The following LRRC3B variants were observed in gnomAD, a reference collection of about 807,000 sequenced individuals.
LRRC3B encodes leucine rich repeat containing 3B.
Under a neutral mutation model 12.8 loss-of-function variants are expected in LRRC3B, and 2 were observed. The observed-to-expected ratio is 0.16, with a 90% CI of 0.06 to 0.49. LRRC3B has a LOEUF of 0.49. Among genes scored for constraint, LRRC3B ranks in the 20% least tolerant of loss-of-function variants. The pLI is 0.96. For missense variants in LRRC3B, 189 were observed against 319.4 expected (o/e 0.59, Z 3.11); for synonymous variants, 132 against 122.0 (o/e 1.08, Z -0.54).
chr3:26,637,605 G>A (rs745727591), intron 1 of LRRC3B, among the ~76,000 whole-genome samples: 3 of 152,180 alleles, frequency 2.0e-5, no homozygotes, highest in East Asian at 1.9e-4. Flanking sequence ...CTAGTAATAC[G>A]TGGATATTCA....
At chr3:26,638,541 T>C (rs1484980846) in intron 1 of LRRC3B, among the ~76,000 whole-genome samples, 1 of 152,172 alleles carries the variant, frequency 6.6e-6, no homozygotes, top group East Asian at 1.9e-4. Flanking sequence ...CCTGATGATG[T>C]GGAAAATAAC....
intron 1 of LRRC3B, among the ~76,000 whole-genome samples, chr3:26,685,515 CTCTCTCTCTA>C (rs1160898960): frequency 8.2e-4 from 44 of 53,768 alleles, no homozygotes; most frequent in African/African-American, 2.5e-3. Context: ...CTCTCTCTCT[CTCTCTCTCTA>C]TATATATATA....
chr3:26,631,562 T>TA (rs1223518324), intron 1 of LRRC3B, among the ~76,000 whole-genome samples: 1 of 152,188 alleles, frequency 6.6e-6, no homozygotes. Flanking sequence ...TGGCTCATGT[T>TA]ATCCAGTGTT....
chr3:26,632,544 A>G (rs1226970512), intron 1 of LRRC3B, among the ~76,000 whole-genome samples: 1 of 152,060 alleles, frequency 6.6e-6, no homozygotes, highest in Non-Finnish European at 1.5e-5. Flanking sequence ...TGGATCCCCG[A>G]GCCGTTACCC....
chr3:26,687,441 G>A (rs1700110692), intron 1 of LRRC3B, among the ~76,000 whole-genome samples: 1 of 152,182 alleles, frequency 6.6e-6, no homozygotes, highest in Non-Finnish European at 1.5e-5. Context: ...GGGATAATAT[G>A]CTTCCAAATA....
intron 1 of LRRC3B, among the ~76,000 whole-genome samples, chr3:26,689,840 G>A (rs977156134): frequency 5.3e-5 from 8 of 152,192 alleles, no homozygotes; most frequent in African/African-American, 9.7e-5. Flanking sequence ...CAGATGGTCC[G>A]CAGGCCCCCC....
At chr3:26,709,630 G>A in exon 2 of LRRC3B, 7 of 1,587,688 alleles carry the variant, frequency 4.4e-6, no homozygotes, top group Non-Finnish European at 5.2e-6. Context: ...ACGCTTGTTG[G>A]AGTAGATGAG....
intron 1 of LRRC3B, among the ~76,000 whole-genome samples, chr3:26,697,918 A>G (rs559668149): frequency 2.6e-5 from 4 of 152,234 alleles, no homozygotes; most frequent in South Asian, 4.1e-4. Context: ...CCCTCATTAT[A>G]TGGTTCATTT....
chr3:26,710,617 A>C, exon 2 of LRRC3B: 1 of 682,088 alleles, frequency 1.5e-6, no homozygotes, highest in Non-Finnish European at 2.3e-6. Context: ...AACATAAATA[A>C]TTTGAGTTTA....
At chr3:26,637,938 C>G (rs1698938356) in intron 1 of LRRC3B, among the ~76,000 whole-genome samples, 1 of 152,112 alleles carries the variant, frequency 6.6e-6, no homozygotes, top group Admixed American at 6.5e-5. Flanking sequence ...AGACTTGTAG[C>G]CTACATGTAT....
rs545477316 is a variant in LRRC3B at position 26,704,531 on chromosome 3, T to C, written c.-160-4982T>C. On this transcript the variant is annotated intron_variant, in intron 1 of 1. Coordinates refer to ENST00000396641, the Ensembl canonical transcript of LRRC3B. ...ACATTGCTATTTATGTATATTATTTTCCCATCCATTTTTCTTTTCTGCTTT... is the reference window on the plus strand; with the variant it reads ...ACATTGCTATTTATGTATATTATTTCCCCATCCATTTTTCTTTTCTGCTTT... Among the ~76,000 whole-genome samples, 37 of 152,254 alleles carry C rather than the reference T, an allele frequency of 2.4e-4. 1 individual carries two copies. The highest frequency in any genetic ancestry group is 6.8e-3 in the Middle Eastern group (2 of 294).
rs1305256388 is a variant in LRRC3B at position 26,638,861 on chromosome 3, G to A, written c.-161+15624G>A. ...GAAGTAAGGCTGCTGAATGAAGAAG[G>A]TAATCAAGGTGTGTGAACACCAGAT... On this transcript the variant is annotated intron_variant, in intron 1 of 1. Coordinates refer to ENST00000396641, the Ensembl canonical transcript of LRRC3B. Among the ~76,000 whole-genome samples, 6 of 152,316 alleles carry A rather than the reference G, an allele frequency of 3.9e-5. No homozygotes were observed. In the East Asian group the frequency reaches 5.8e-4, roughly 15 times the overall value.
chr3:26,626,872 T>C (rs1013307005), intron 1 of LRRC3B, among the ~76,000 whole-genome samples: 3 of 152,210 alleles, frequency 2.0e-5, no homozygotes, highest in African/African-American at 7.2e-5. Context: ...TTCTGTTAGA[T>C]TGAGTTGCTT....
intron 1 of LRRC3B, among the ~76,000 whole-genome samples, chr3:26,661,680 T>C (rs916255435): frequency 1.3e-5 from 2 of 152,208 alleles, no homozygotes; most frequent in Non-Finnish European, 2.9e-5. Context: ...TTATAAACAA[T>C]GCTGCCATGA....
At chr3:26,638,103 T>C (rs1295716714) in intron 1 of LRRC3B, among the ~76,000 whole-genome samples, 2 of 152,312 alleles carry the variant, frequency 1.3e-5, no homozygotes, top group East Asian at 1.9e-4. Flanking sequence ...CACAAAGCAT[T>C]GTAGATGTCT....
intron 1 of LRRC3B, among the ~76,000 whole-genome samples, chr3:26,634,841 T>C (rs767834129): frequency 6.6e-6 from 1 of 152,328 alleles, no homozygotes; most frequent in South Asian, 2.1e-4. Context: ...GAGTTGGATA[T>C]GTACCCAGCT....
intron 1 of LRRC3B, among the ~76,000 whole-genome samples, chr3:26,632,531 T>C (rs1559348612): frequency 2.6e-5 from 4 of 152,008 alleles, no homozygotes; most frequent in Non-Finnish European, 5.9e-5. Flanking sequence ...CGAGACAAGA[T>C]GGTGGATCCC....
At chr3:26,644,245 G>A (rs1209028027) in intron 1 of LRRC3B, among the ~76,000 whole-genome samples, 3 of 152,210 alleles carry the variant, frequency 2.0e-5, no homozygotes, top group Non-Finnish European at 4.4e-5. Context: ...TAATATGTGG[G>A]AAGCACTAAC....
At chr3:26,650,828 G>A (rs1466659548) in intron 1 of LRRC3B, among the ~76,000 whole-genome samples, 2 of 152,084 alleles carry the variant, frequency 1.3e-5, no homozygotes, top group Non-Finnish European at 2.9e-5. Flanking sequence ...TCTACTCGAC[G>A]GTAAGTGCAT....
Sources: gnomAD v4.1 joint callset for allele counts (sites outside exome capture counted in the v4.1 genomes callset) on GRCh38, gnomAD v4.1.1 for gene constraint, MANE v1.5 for transcripts, NCBI Gene and HGNC (gene_info 2026-07-23, HGNC 2026-07-21) for gene names.